The following ATG13 variants were observed in gnomAD, a reference collection of about 807,000 sequenced individuals.
ATG13 encodes autophagy related 13, also known as autophagy-related protein 13.
In ATG13, 23 loss-of-function variants were observed where a neutral mutation model predicts 65.5. That is an observed-to-expected ratio of 0.35 (90% CI 0.25 to 0.50). The LOEUF (loss-of-function observed/expected upper bound fraction) is 0.50, where lower values mean the gene tolerates loss of function less well. Among genes scored for constraint, ATG13 ranks in the 20% least tolerant of loss-of-function variants. ATG13 has a pLI of 0.98. For synonymous variants in ATG13, 252 were observed against 245.2 expected, an observed-to-expected ratio of 1.03 and a Z score of -0.26; for missense variants, 566 against 677.0, an observed-to-expected ratio of 0.84 and a Z score of 1.82.
intron 5 of ATG13, among the ~76,000 whole-genome samples, chr11:46,647,293 GTTTTTT>G (rs1174804865): frequency 9.2e-5 from 10 of 108,914 alleles, no homozygotes; most frequent in African/African-American, 3.4e-4. Context: ...TTTTTTTTTT[GTTTTTT>G]TTTTTTGAGA....
intron 15 of ATG13, 115 bp downstream of exon 15, chr11:46,668,002 C>G: frequency 2.5e-6 from 2 of 786,478 alleles, no homozygotes; most frequent in South Asian, 3.5e-5. Flanking sequence ...AACTGGCATG[C>G]AAAACTGTAT....
Position 46,659,450 on chromosome 11 carries a change from T to C in ATG13, c.754T>C (p.Cys252Arg). 3 of 1,614,104 alleles carry C rather than the reference T, an allele frequency of 1.9e-6. No homozygotes were observed. The highest frequency in any genetic ancestry group is 2.5e-6 in the Non-Finnish European group (3 of 1,179,952). ...YPSVEDSQEV[C>R]TTSFSTSPPS... ...GTCTGTAGAAGACTCTCAAGAAGTG[T>C]GTACCACCTCTTTTTCCACCTCCCC... The change falls in exon 11 of 19, where the codon TGT becomes CGT. Residue 252 changes from cysteine (C) to arginine (R), a missense_variant. Cys to Arg is a radical substitution (Grantham distance 180). Coordinates refer to ENST00000683050, the MANE Select transcript of ATG13 (RefSeq NM_001346311.2).
chr11:46,670,732 G>C (rs542013473), intron 18 of ATG13, among the ~76,000 whole-genome samples: 1 of 152,026 alleles, frequency 6.6e-6, no homozygotes. Context: ...TTGCTTGCTT[G>C]AGCTGGGGAA....
In ATG13 at chr11:46,632,857, A is replaced by G. The variant is rs568730602; in HGVS notation, c.-14+2757A>G. The stretch of plus-strand genomic sequence containing the variant: ...TTACTTGACACATCTCTTTCTCTCT[A>G]CTTTCTCAAAAATTGGAATCATGGG... On this transcript the variant is annotated intron_variant, in intron 2 of 18. Transcript: ENST00000683050. 1.2e-4 allele frequency among the ~76,000 whole-genome samples: 18 copies of G among 151,386 alleles called. 1 individual carries two copies. Among genetic ancestry groups the G allele is most frequent in the South Asian group, 6.3e-4 (3 of 4,798 alleles).
rs764779751 is a variant in ATG13 at position 46,635,850 on chromosome 11, T to C, written c.-14+5750T>C. Among the ~76,000 whole-genome samples the C allele has an allele frequency of 3.3e-5, 5 of 152,244 alleles. No individual in the cohort carries two copies. In the East Asian group the frequency reaches 9.6e-4, roughly 29 times the overall value. ...CATTGGAGCCATTGTGCCGTTATAA[T>C]GATTGCATTGGTAGATAATCTGATG... is the stretch of plus-strand genomic sequence containing the variant. On this transcript the variant is annotated intron_variant, in intron 2 of 18. Transcript: ENST00000683050.
chr11:46,669,044 G>A (rs1054823769), intron 17 of ATG13, 134 bp downstream of exon 17: 12 of 801,942 alleles, frequency 1.5e-5, no homozygotes, highest in African/African-American at 3.4e-5. Context: ...GACAGGTGGA[G>A]TCTGGTCTGG....
At chr11:46,639,504 A>C (rs911048014) in intron 2 of ATG13, among the ~76,000 whole-genome samples, 1 of 152,066 alleles carries the variant, frequency 6.6e-6, no homozygotes, top group African/African-American at 2.4e-5. Flanking sequence ...ATATATATAT[A>C]TTGCCCAGCT....
At chr11:46,631,800 G>A (rs1212055120) in intron 2 of ATG13, among the ~76,000 whole-genome samples, 2 of 152,166 alleles carry the variant, frequency 1.3e-5, no homozygotes, top group Non-Finnish European at 2.9e-5. Context: ...GATCACTTGG[G>A]CCCAGGAGGT....
At chr11:46,655,587 C>CAA (rs1041995063) in intron 7 of ATG13, among the ~76,000 whole-genome samples, 21 of 152,140 alleles carry the variant, frequency 1.4e-4, no homozygotes, top group African/African-American at 4.8e-4. Context: ...CAAAACAAAA[C>CAA]AAAACAAAAC....
chr11:46,621,004 T>C (rs1463715101), intron 1 of ATG13: 1 of 152,092 alleles, frequency 6.6e-6, no homozygotes, highest in Admixed American at 6.6e-5. Context: ...TAGTTAAGAA[T>C]CATTTTACAT....
At chr11:46,624,931 G>A (rs754962451) in intron 1 of ATG13, among the ~76,000 whole-genome samples, 5 of 152,012 alleles carry the variant, frequency 3.3e-5, no homozygotes, top group Non-Finnish European at 7.4e-5. Flanking sequence ...TGAGGTGGGA[G>A]GATTGCTTGA....
chr11:46,631,071 A>G (rs1281007126), intron 2 of ATG13: 1 of 151,992 alleles, frequency 6.6e-6, no homozygotes, highest in African/African-American at 2.4e-5. Flanking sequence ...TTCTTCTTCT[A>G]TCTTTGGGTT....
chr11:46,664,292 C>G, intron 12 of ATG13, 197 bp downstream of exon 12: 1 of 527,298 alleles, frequency 1.9e-6, no homozygotes. Context: ...TGCCCCTCCT[C>G]CTACCATTGA....
Position 46,672,452 on chromosome 11 carries a change from T to G in ATG13, c.*120T>G. 1 of 1,575,130 alleles carries G rather than the reference T, an allele frequency of 6.3e-7. No homozygotes were observed. Among genetic ancestry groups the G allele is most frequent in the Admixed American group, 1.8e-5 (1 of 56,172 alleles). On this transcript the variant is annotated 3_prime_UTR_variant, in exon 19 of 19. Coordinates refer to ENST00000683050, the MANE Select transcript of ATG13 (RefSeq NM_001346311.2). ...TGAGCCAGGTGGAAGGGAGGCTGGC[T>G]TCTCCCATGGGGACCCAGAAGTCCC...
chr11:46,628,238 A>G (rs551733144), intron 1 of ATG13, among the ~76,000 whole-genome samples: 1 of 152,192 alleles, frequency 6.6e-6, no homozygotes, highest in South Asian at 2.1e-4. Context: ...CCCCATCTCC[A>G]TTAAAAATAC....
chr11:46,639,806 CTGTT>C (rs750713133), intron 2 of ATG13, among the ~76,000 whole-genome samples: 31 of 150,108 alleles, frequency 2.1e-4, no homozygotes, highest in Admixed American at 9.3e-4. Context: ...GGCCTTTAAA[CTGTT>C]TGGTGTCAGC....
At chr11:46,664,246 C>T in intron 12 of ATG13, 151 bp downstream of exon 12, 1 of 609,250 alleles carries the variant, frequency 1.6e-6, no homozygotes, top group Non-Finnish European at 2.7e-6. Context: ...TAGGACACAG[C>T]CACGGCCCAA....
intron 2 of ATG13, among the ~76,000 whole-genome samples, chr11:46,632,131 A>G (rs1030320702): frequency 6.6e-6 from 1 of 152,230 alleles, no homozygotes; most frequent in Non-Finnish European, 1.5e-5. Context: ...TCACAGGACA[A>G]TAAGTGTAGA....
At chr11:46,669,061 A>G (rs1565630283) in intron 17 of ATG13, 151 bp downstream of exon 17, 7 of 735,082 alleles carry the variant, frequency 9.5e-6, no homozygotes, top group Admixed American at 7.7e-5. Flanking sequence ...CTGGGGAGAC[A>G]TTTTGGAGGC....
Sources: allele counts gnomAD v4.1 joint callset (sites outside exome capture counted in the v4.1 genomes callset), GRCh38; gene constraint gnomAD v4.1.1; transcripts MANE v1.5; gene names NCBI Gene and HGNC (gene_info 2026-07-23, HGNC 2026-07-21).